Variants in RIMOC1 observed in about 807,000 individuals in gnomAD.
RIMOC1 encodes RAB7A interacting MON1-CCZ1 complex subunit 1, also known as RAB7A-interacting MON1-CCZ1 complex subunit 1.
the RIMOC1 span, chr5:41,904,431 C>T: frequency 1.2e-6 from 2 of 1,614,084 alleles, no homozygotes; most frequent in Non-Finnish European, 1.7e-6. Context: ...GGCTCAGGCC[C>T]ACATACAGCA....
At chr5:41,910,265 GT>G in the RIMOC1 span, among the ~76,000 whole-genome samples, 2 of 151,786 alleles carry the variant, frequency 1.3e-5, no homozygotes, top group African/African-American at 2.4e-5. Context: ...CCTTCTTAAT[GT>G]TGATCACCCC....
chr5:41,917,212 T>G, the RIMOC1 span: 4 of 1,613,794 alleles, frequency 2.5e-6, no homozygotes, highest in Non-Finnish European at 3.4e-6. Context: ...AGTATGTATC[T>G]GTGTGTGAAG....
At chr5:41,917,955 C>G in the RIMOC1 span, 1 of 963,586 alleles carries the variant, frequency 1.0e-6, no homozygotes, top group Non-Finnish European at 1.2e-6. Flanking sequence ...CATGGCTTTT[C>G]AAGTGAGTAA....
the RIMOC1 span, chr5:41,904,353 C>A: frequency 5.0e-6 from 8 of 1,612,770 alleles, no homozygotes; most frequent in Non-Finnish European, 6.8e-6. Flanking sequence ...CGGGGCGCAC[C>A]CGCCGATTGT....
the RIMOC1 span, chr5:41,916,867 T>C: frequency 1.8e-6 from 1 of 563,410 alleles, no homozygotes; most frequent in Non-Finnish European, 2.9e-6. Flanking sequence ...ATGAAGATTG[T>C]GTTAGTCATA....
the RIMOC1 span, among the ~76,000 whole-genome samples, chr5:41,908,127 G>A: frequency 6.6e-6 from 1 of 151,734 alleles, no homozygotes; most frequent in Non-Finnish European, 1.5e-5. Context: ...TGTGTGCAAT[G>A]TCCAATCTCT....
the RIMOC1 span, among the ~76,000 whole-genome samples, chr5:41,915,282 C>G: frequency 2.6e-5 from 4 of 152,156 alleles, no homozygotes; most frequent in Admixed American, 2.6e-4. Flanking sequence ...AACTTTTACA[C>G]CCTTTGTTTA....
the RIMOC1 span, chr5:41,916,573 T>C: frequency 5.1e-6 from 3 of 587,976 alleles, no homozygotes; most frequent in Non-Finnish European, 6.4e-6. Flanking sequence ...TACTTGACTT[T>C]AGCTATATGA....
the RIMOC1 span, among the ~76,000 whole-genome samples, chr5:41,906,587 A>C: frequency 6.6e-6 from 1 of 152,206 alleles, no homozygotes; most frequent in African/African-American, 2.4e-5. Context: ...CTTTTTCTAC[A>C]TTGTGTGGAT....
the RIMOC1 span, among the ~76,000 whole-genome samples, chr5:41,910,172 C>T: frequency 3.9e-5 from 6 of 151,974 alleles, no homozygotes; most frequent in African/African-American, 1.4e-4. Flanking sequence ...TTTACTTTTG[C>T]AGATGCTGTT....
the RIMOC1 span, among the ~76,000 whole-genome samples, chr5:41,914,456 C>CAAACAAAACAAAACAAAACA: frequency 6.8e-6 from 1 of 146,488 alleles, no homozygotes. Flanking sequence ...GACTCTGTCT[C>CAAACAAAACAAAACAAAACA]AAACAAAACA....
the RIMOC1 span, chr5:41,911,272 G>A: frequency 8.2e-7 from 1 of 1,216,712 alleles, no homozygotes; most frequent in Non-Finnish European, 1.1e-6. Flanking sequence ...GTGGATCAAA[G>A]GGTCTGAGTT....
chr5:41,917,505 T>G, the RIMOC1 span: 6 of 1,244,764 alleles, frequency 4.8e-6, no homozygotes, highest in Non-Finnish European at 5.0e-6. Context: ...CTTTAATTTC[T>G]AAAGTGTTGT....
At chr5:41,918,096 GC>G in the RIMOC1 span, 1 of 985,562 alleles carries the variant, frequency 1.0e-6, no homozygotes, top group Non-Finnish European at 1.2e-6. Context: ...AGGCCAGAGA[GC>G]CTAACTTGAT....
At chr5:41,911,089 T>C in the RIMOC1 span, 2 of 1,610,378 alleles carry the variant, frequency 1.2e-6, no homozygotes, top group Non-Finnish European at 1.7e-6. Flanking sequence ...AATGTCTCTC[T>C]TGGAGACGAG....
At chr5:41,916,165 G>A in the RIMOC1 span, 1 of 152,638 alleles carries the variant, frequency 6.6e-6, no homozygotes, top group Admixed American at 6.6e-5. Flanking sequence ...TTTCTTTTAT[G>A]TTCTTTAGGA....
At chr5:41,911,569 A>G in the RIMOC1 span, among the ~76,000 whole-genome samples, 1 of 152,166 alleles carries the variant, frequency 6.6e-6, no homozygotes, top group Non-Finnish European at 1.5e-5. Context: ...CTTGACCATT[A>G]TGACTGAATC....
chr5:41,910,253 C>T, the RIMOC1 span, among the ~76,000 whole-genome samples: 1 of 151,988 alleles, frequency 6.6e-6, no homozygotes, highest in Non-Finnish European at 1.5e-5. Context: ...AACATTTGCT[C>T]CCCTTCTTAA....
At chr5:41,911,419 T>G in the RIMOC1 span, 1 of 256,480 alleles carries the variant, frequency 3.9e-6, no homozygotes, top group Non-Finnish European at 7.2e-6. Flanking sequence ...TTGTTTTAAA[T>G]ATAAGATAAA....
Sources: gnomAD v4.1 joint callset for allele counts (sites outside exome capture counted in the v4.1 genomes callset) on GRCh38, gnomAD v4.1.1 for gene constraint, MANE v1.5 for transcripts, NCBI Gene and HGNC (gene_info 2026-07-23, HGNC 2026-07-21) for gene names.